Variants in CPLANE1 observed in about 807,000 individuals in gnomAD.
The protein encoded by CPLANE1 is ciliogenesis and planar polarity effector 1.
Under a neutral mutation model 362.5 loss-of-function variants are expected in CPLANE1, and 263 were observed. The observed-to-expected ratio is 0.73, with a 90% CI of 0.66 to 0.80. The LOEUF (loss-of-function observed/expected upper bound fraction) is 0.80, where lower values mean the gene tolerates loss of function less well. Ranked by LOEUF, CPLANE1 falls within the 30% of genes least tolerant of loss-of-function variation. CPLANE1 has a pLI of 0.00. For missense variants in CPLANE1, 3,461 were observed against 3,793.4 expected (o/e 0.91, Z 2.30); for synonymous variants, 1,212 against 1,302.6 (o/e 0.93, Z 1.50).
chr5:37,140,009 A>C (rs537756426), intron 44 of CPLANE1: 2 of 948,596 alleles, frequency 2.1e-6, no homozygotes, highest in East Asian at 2.3e-4. Flanking sequence ...TGAAAGTAAT[A>C]TATTTTAGAA....
At chr5:37,170,362 T>TGTTA in intron 32 of CPLANE1, 31 bp from the exon 33 acceptor site, 1 of 1,577,528 alleles carries the variant, frequency 6.3e-7, no homozygotes, top group East Asian at 2.2e-5. Flanking sequence ...AAGCGATATC[T>TGTTA]TAAAATATAA....
At chr5:37,142,214 A>G in intron 44 of CPLANE1, 96 bp downstream of exon 44, 1 of 1,334,260 alleles carries the variant, frequency 7.5e-7, no homozygotes, top group Non-Finnish European at 9.7e-7. Flanking sequence ...AAATGACTTC[A>G]CAAACCTTTC....
intron 8 of CPLANE1, among the ~76,000 whole-genome samples, chr5:37,237,849 CAA>C (rs905375106): frequency 7.1e-6 from 1 of 140,734 alleles, no homozygotes; most frequent in Admixed American, 7.1e-5. Context: ...GACTCCATCT[CAA>C]AAAAAAAAAA....
Position 37,168,654 on chromosome 5 carries a change from A to G in CPLANE1, c.7233+137T>C, listed in dbSNP as rs1308354247. The G allele has an allele frequency of 1.1e-5, 8 of 731,468 alleles. No homozygotes were observed. The East Asian group carries it at 1.9e-4, about 17-fold the overall frequency. The allele number at this position is 731,468 out of a possible 1,614,324, so 45.3% of individuals were successfully genotyped here. Reference sequence around the variant, plus strand: ...TGCCCAGCTACAATCATTATTTTAAACCTAATTTTTATATGCTATTTTCTA... The same window carrying G: ...TGCCCAGCTACAATCATTATTTTAAGCCTAATTTTTATATGCTATTTTCTA... On this transcript the variant is annotated intron_variant, in intron 34 of 52. Transcript: ENST00000651892.
intron 8 of CPLANE1, among the ~76,000 whole-genome samples, chr5:37,232,949 A>G (rs1394276822): frequency 1.3e-5 from 2 of 151,900 alleles, no homozygotes; most frequent in Non-Finnish European, 2.9e-5. Context: ...TCCACTTACT[A>G]TTAAGTAGTA....
intron 16 of CPLANE1, among the ~76,000 whole-genome samples, chr5:37,213,075 G>C (rs759107198): frequency 7.2e-5 from 11 of 152,202 alleles, no homozygotes; most frequent in African/African-American, 2.2e-4. Context: ...AGGTGTGGTG[G>C]CATATGCCGA....
chr5:37,235,245 AAAAG>A (rs1798690116), intron 8 of CPLANE1, among the ~76,000 whole-genome samples: 1 of 152,168 alleles, frequency 6.6e-6, no homozygotes, highest in African/African-American at 2.4e-5. Context: ...TACTAAAAAT[AAAAG>A]AAAATACCTA....
At chr5:37,140,912 G>A in intron 44 of CPLANE1, 2 of 981,072 alleles carry the variant, frequency 2.0e-6, no homozygotes, top group Non-Finnish European at 2.4e-6. Context: ...TTTATGTGTG[G>A]CCCAAGACAA....
intron 21 of CPLANE1, among the ~76,000 whole-genome samples, chr5:37,191,831 C>G (rs892245007): frequency 1.3e-5 from 2 of 152,000 alleles, no homozygotes; most frequent in Admixed American, 1.3e-4. Flanking sequence ...TTACAAGAGT[C>G]AAAAAGGTTT....
chr5:37,244,647 C>G (rs1206269210), intron 4 of CPLANE1, 40 bp from the exon 5 acceptor site: 7 of 1,115,002 alleles, frequency 6.3e-6, no homozygotes, highest in Non-Finnish European at 9.0e-6. Context: ...CCTCTGAAGT[C>G]TGAATTCCCC....
In CPLANE1 at chr5:37,214,988, T is replaced by A. The variant is rs115929631; in HGVS notation, c.2747-1256A>T. ...TCAGACAATTAATCTTGGAAACAGA[T>A]AACATAAACTTGTGGTATCAATAAA... is the stretch of plus-strand genomic sequence containing the variant. On this transcript the variant is annotated intron_variant, in intron 15 of 52. Coordinates refer to ENST00000651892, the MANE Select transcript of CPLANE1 (RefSeq NM_001384732.1). Among the ~76,000 whole-genome samples the A allele has an allele frequency of 2.6e-4, 39 of 152,352 alleles. 1 individual carries two copies. The highest frequency in any genetic ancestry group is 9.1e-4 in the African/African-American group (38 of 41,588).
chr5:37,219,166 A>G (rs1269741612), intron 15 of CPLANE1, among the ~76,000 whole-genome samples: 4 of 152,144 alleles, frequency 2.6e-5, no homozygotes, highest in Non-Finnish European at 5.9e-5. Context: ...ACTTGAACCC[A>G]GGAGTTTGAG....
intron 19 of CPLANE1, 77 bp from the exon 20 acceptor site, chr5:37,198,943 G>T: frequency 1.5e-6 from 2 of 1,354,188 alleles, no homozygotes; most frequent in South Asian, 1.3e-5. Context: ...ATAAAGATAG[G>T]CTAATGAGCT....
chr5:37,119,718 G>A (rs1344904994), intron 50 of CPLANE1, among the ~76,000 whole-genome samples: 1 of 152,046 alleles, frequency 6.6e-6, no homozygotes, highest in African/African-American at 2.4e-5. Flanking sequence ...GGGCGTGGTG[G>A]CTCACGCCTG....
Position 37,168,837 on chromosome 5 carries a change from T to C in CPLANE1, c.7187A>G (p.Tyr2396Cys). 6.2e-7 allele frequency: 1 copy of C among 1,613,558 alleles called. No homozygotes were observed. The highest frequency in any genetic ancestry group is 8.5e-7 in the Non-Finnish European group (1 of 1,179,872). ...TGAATGAAGTAATGACAATCTTGGG[T>C]ATTTTCTTTCTTCTGCTATAGGTTG... ...PIQPIAEERK[Y>C]PRLSLLHSHL... is the part of the protein sequence containing the mutation. The change falls in exon 34 of 53, where the codon TAC becomes TGC. Residue 2396 changes from tyrosine (Y) to cysteine (C), a missense_variant. Around this residue, in one of 2 missense-constraint regions of CPLANE1, gnomAD observed 3,380 missense variants for 3,666.1 expected, o/e 0.92. Transcript: ENST00000651892.
At chr5:37,181,089 G>T in intron 26 of CPLANE1, 84 bp from the exon 27 acceptor site, 2 of 1,162,100 alleles carry the variant, frequency 1.7e-6, no homozygotes, top group South Asian at 1.6e-5. Flanking sequence ...TCTTTCTACA[G>T]GAATTCTGAA....
the CPLANE1 span, among the ~76,000 whole-genome samples, chr5:37,099,762 A>C: frequency 6.6e-6 from 1 of 152,172 alleles, no homozygotes; most frequent in Non-Finnish European, 1.5e-5. Flanking sequence ...TTCCACCAAC[A>C]GTATAAAGGC....
Position 37,121,792 on chromosome 5 carries a change from C to CA in CPLANE1, c.9018-9dup. The CA allele has an allele frequency of 2.5e-6, 4 of 1,607,750 alleles. No individual in the cohort carries two copies. The highest frequency in any genetic ancestry group is 3.4e-6 in the Non-Finnish European group (4 of 1,175,464). On this transcript the variant is annotated splice_polypyrimidine_tract_variant and intron_variant, in intron 48 of 52. Transcript: ENST00000651892. ...TGTTCAGAGAGCAGCAATCTGTAGA[C>CA]AAAGAATTAAGCATCATTTATTAAG...
chr5:37,205,991 A>T (rs1790620232), intron 17 of CPLANE1, among the ~76,000 whole-genome samples: 1 of 152,210 alleles, frequency 6.6e-6, no homozygotes, highest in South Asian at 2.1e-4. Flanking sequence ...TGAAAATTTA[A>T]TTCCTTGGTC....
Sources: gnomAD v4.1 joint callset for allele counts (sites outside exome capture counted in the v4.1 genomes callset) on GRCh38, gnomAD v4.1.1 for gene constraint, gnomAD v4.1.1 regional missense constraint, MANE v1.5 for transcripts, NCBI Gene and HGNC (gene_info 2026-07-23, HGNC 2026-07-21) for gene names.